Variants in ENPP2 observed in about 807,000 individuals in gnomAD.
ENPP2 encodes the protein autotaxin.
In ENPP2, 51 loss-of-function variants were observed where a neutral mutation model predicts 120.2. The observed-to-expected ratio is 0.42, with a 90% CI of 0.34 to 0.54. ENPP2 has a LOEUF of 0.54. Ranked by LOEUF, ENPP2 falls within the 20% of genes least tolerant of loss-of-function variation. ENPP2 has a pLI of 0.04. For synonymous variants in ENPP2, 365 were observed against 366.4 expected (o/e 1.00, Z 0.04); for missense variants, 920 against 1,066.5 (o/e 0.86, Z 1.91).
rs961478096 is a variant in ENPP2, at chr8:119,627,292, C to A, written c.137-572G>T. ...AATACAAGCTCTATAATCTGGGCTT[C>A]TCAAAAAACTCCTCCATCAATATTT... On this transcript the variant is annotated intron_variant, in intron 2 of 24. Transcript: ENST00000075322. 5.3e-5 allele frequency among the ~76,000 whole-genome samples: 8 copies of A among 152,060 alleles called. 1 individual carries two copies. The highest frequency in any genetic ancestry group is 1.9e-4 in the African/African-American group (8 of 41,406).
chr8:119,635,480 C>T (rs374062889), intron 2 of ENPP2, among the ~76,000 whole-genome samples: 10 of 152,172 alleles, frequency 6.6e-5, no homozygotes, highest in African/African-American at 2.4e-4. Context: ...TGCATAACAC[C>T]ACAAACATAC....
intron 1 of ENPP2, among the ~76,000 whole-genome samples, chr8:119,669,897 A>T (rs1412892264): frequency 6.6e-6 from 1 of 152,216 alleles, no homozygotes; most frequent in Non-Finnish European, 1.5e-5. Context: ...TTTTTAGGAA[A>T]TCAAAACTGC....
At chr8:119,591,784 C>CT (rs1813523741) in intron 12 of ENPP2, among the ~76,000 whole-genome samples, 2 of 152,130 alleles carry the variant, frequency 1.3e-5, no homozygotes, top group African/African-American at 4.8e-5. Flanking sequence ...ATATCTTGCA[C>CT]TTTAACAGTT....
intron 1 of ENPP2, among the ~76,000 whole-genome samples, chr8:119,662,598 G>A (rs1817953232): frequency 6.6e-6 from 1 of 152,156 alleles, no homozygotes; most frequent in Non-Finnish European, 1.5e-5. Context: ...ATTTCTAATA[G>A]GGCCCTTTCC....
intron 9 of ENPP2, among the ~76,000 whole-genome samples, chr8:119,605,426 A>ATGTGTGTG (rs1491174876): frequency 4.1e-4 from 57 of 138,402 alleles, no homozygotes; most frequent in Non-Finnish European, 7.4e-4. Flanking sequence ...TGAAGATACC[A>ATGTGTGTG]TATATGTGTG....
Position 119,626,779 on chromosome 8 carries a change from G to C in ENPP2, c.137-59C>G. The C allele has an allele frequency of 2.6e-6, 4 of 1,524,362 alleles. No individual in the cohort carries two copies. The South Asian group carries it at 4.6e-5, about 17-fold the overall frequency. The allele number at this position is 1,524,362 out of a possible 1,614,324, so 94.4% of individuals were successfully genotyped here. A position where few individuals can be genotyped will look rare whatever the true frequency, so the allele number is the denominator to read the frequency against. ...GAGAGTGGTCATGTCACCATGGAAA[G>C]GTGGCACTGGGAAGCTGTGCGGTGT... On this transcript the variant is annotated intron_variant, in intron 2 of 24. Coordinates refer to ENST00000075322, the MANE Select transcript of ENPP2 (RefSeq NM_001040092.3).
chr8:119,573,946 T>C (rs1335662289), intron 19 of ENPP2, among the ~76,000 whole-genome samples: 4 of 151,766 alleles, frequency 2.6e-5, no homozygotes, highest in Non-Finnish European at 5.9e-5. Context: ...TGAGCAAAAA[T>C]AGCATAATAA....
intron 7 of ENPP2, 24 bp from the exon 8 acceptor site, chr8:119,616,408 G>T: frequency 6.5e-7 from 1 of 1,549,828 alleles, no homozygotes; most frequent in African/African-American, 1.4e-5. Context: ...CAAATTTATT[G>T]TTAAAATAAC....
chr8:119,590,608 A>G lies in ENPP2; in HGVS notation c.1104T>C (p.Asp368=), dbSNP rs760091821. The change falls in exon 13 of 25, where the codon GAT becomes GAC. Residue 368 remains aspartate (D), a synonymous_variant. Transcript: ENST00000075322. Reference sequence around the variant, plus strand: ...GGTAATTACTCAAGAACTCAGTTCTATCACATGTGACATCTTCCATTCCTA... The same window carrying G: ...GGTAATTACTCAAGAACTCAGTTCTGTCACATGTGACATCTTCCATTCCTA... ...GDHGMEDVTC[D]RTEFLSNYLT... 7 of 1,578,286 alleles carry G rather than the reference A, an allele frequency of 4.4e-6. No homozygotes were observed. The highest frequency in any genetic ancestry group is 1.4e-5 in the African/African-American group (1 of 73,240).
chr8:119,568,467 G>A (rs1814670517), intron 21 of ENPP2, among the ~76,000 whole-genome samples: 1 of 151,550 alleles, frequency 6.6e-6, no homozygotes, highest in Admixed American at 6.6e-5. Flanking sequence ...TCTCCCAAGA[G>A]CCATTTACAA....
chr8:119,643,205 A>T (rs1817334874), upstream of ENPP2, among the ~76,000 whole-genome samples: 2 of 152,198 alleles, frequency 1.3e-5, no homozygotes, highest in Admixed American at 1.3e-4. Flanking sequence ...ACTATTAGAA[A>T]ATTCAGATAA....
chr8:119,573,238 C>A (rs184762061), intron 19 of ENPP2: 1 of 151,830 alleles, frequency 6.6e-6, no homozygotes, highest in Non-Finnish European at 1.5e-5. Flanking sequence ...AAAACCCTGT[C>A]TCTACTAAAA....
chr8:119,667,490 G>T (rs1055885979), intron 1 of ENPP2, among the ~76,000 whole-genome samples: 1 of 152,172 alleles, frequency 6.6e-6, no homozygotes, highest in Non-Finnish European at 1.5e-5. Flanking sequence ...ACATTAGAGG[G>T]AAAGACAGAC....
intron 12 of ENPP2, 131 bp downstream of exon 12, chr8:119,593,620 TC>T (rs1481802262): frequency 6.2e-6 from 4 of 645,580 alleles, no homozygotes; most frequent in Non-Finnish European, 1.1e-5. Flanking sequence ...CTGATTTCTA[TC>T]CCCATCTTAA....
intron 1 of ENPP2, among the ~76,000 whole-genome samples, chr8:119,666,767 CA>C (rs1270479315): frequency 8.1e-6 from 1 of 122,864 alleles, no homozygotes; most frequent in African/African-American, 3.5e-5. Context: ...GCAAAAAGAG[CA>C]AAACTGTCTA....
At chr8:119,641,128 T>A (rs1206935340), upstream of ENPP2, among the ~76,000 whole-genome samples, 2 of 152,164 alleles carry the variant, frequency 1.3e-5, no homozygotes, top group Non-Finnish European at 2.9e-5. Context: ...CATGTTAACA[T>A]GAACACATAC....
intron 19 of ENPP2, among the ~76,000 whole-genome samples, chr8:119,579,683 TG>T (rs1812594251): frequency 6.6e-6 from 1 of 152,132 alleles, no homozygotes; most frequent in East Asian, 1.9e-4. Flanking sequence ...GAGGGAGTTC[TG>T]ATTTGATTCC....
At chr8:119,605,664 C>T (rs945351914) in intron 9 of ENPP2, among the ~76,000 whole-genome samples, 1 of 149,016 alleles carries the variant, frequency 6.7e-6, no homozygotes, top group African/African-American at 2.5e-5. Flanking sequence ...GACGAGGGTT[C>T]TCCATGTTGA....
chr8:119,563,083 A>G, intron 23 of ENPP2, 70 bp from the exon 24 acceptor site: 1 of 1,326,950 alleles, frequency 7.5e-7, no homozygotes, highest in South Asian at 1.3e-5. Context: ...TTAAATGGTG[A>G]TCAATGAATA....
Sources: gnomAD v4.1 joint callset for allele counts (sites outside exome capture counted in the v4.1 genomes callset) on GRCh38, gnomAD v4.1.1 for gene constraint, MANE v1.5 for transcripts, NCBI Gene and HGNC (gene_info 2026-07-23, HGNC 2026-07-21) for gene names.